Variants in SIAH3 observed in about 807,000 individuals in gnomAD.
The protein encoded by SIAH3 is seven in absentia homolog 3.
A neutral mutation model predicts 12.6 loss-of-function variants in SIAH3; 9 were observed. The observed-to-expected ratio is 0.72, with a 90% confidence interval of 0.43 to 1.25. SIAH3 has a LOEUF of 1.25. Ranked by LOEUF, SIAH3 falls within the 50% of genes most tolerant of loss-of-function variation. SIAH3 has a pLI of 0.00. For missense variants in SIAH3, 390 were observed against 365.4 expected, an observed-to-expected ratio of 1.07 and a Z score of -0.55; for synonymous variants, 154 against 151.1, an observed-to-expected ratio of 1.02 and a Z score of -0.14.
intron 1 of SIAH3, among the ~76,000 whole-genome samples, chr13:45,839,345 A>G (rs1950730950): frequency 6.6e-6 from 1 of 152,138 alleles, no homozygotes; most frequent in African/African-American, 2.4e-5. Context: ...TTAGATAATG[A>G]CAAGACAATC....
intron 1 of SIAH3, among the ~76,000 whole-genome samples, chr13:45,822,207 G>A (rs1025134076): frequency 6.6e-6 from 1 of 152,106 alleles, no homozygotes; most frequent in Non-Finnish European, 1.5e-5. Flanking sequence ...CCTATATGGT[G>A]TCCCACTGCC....
intron 1 of SIAH3, among the ~76,000 whole-genome samples, chr13:45,789,945 A>G (rs1950540766): frequency 6.6e-6 from 1 of 152,194 alleles, no homozygotes; most frequent in African/African-American, 2.4e-5. Flanking sequence ...AGATGCTAGA[A>G]ATGGGCTCTA....
At chr13:45,820,522 TAA>T (rs898098130) in intron 1 of SIAH3, among the ~76,000 whole-genome samples, 11 of 152,198 alleles carry the variant, frequency 7.2e-5, no homozygotes, top group African/African-American at 2.7e-4. Flanking sequence ...ATATTTTGTT[TAA>T]GAGTTTGTTC....
chr13:45,845,009 A>C (rs185166769), intron 1 of SIAH3, among the ~76,000 whole-genome samples: 2 of 152,322 alleles, frequency 1.3e-5, no homozygotes, highest in Admixed American at 1.3e-4. Context: ...GAAGAAGTGA[A>C]AATGCAGGTG....
At chr13:45,812,142 C>G (rs934526149) in intron 1 of SIAH3, among the ~76,000 whole-genome samples, 22 of 152,228 alleles carry the variant, frequency 1.4e-4, no homozygotes, top group Non-Finnish European at 3.2e-4. Context: ...AGAAGAACTT[C>G]CAGGTGATGC....
At position 45,783,930 on chromosome 13, in the gene SIAH3, T is replaced by G. The variant is rs1950515830; in HGVS notation, c.263A>C (p.His88Pro). The part of the protein sequence containing the change: ...HHHLRHHAHP[H>P]HLHHQEAGLH... ...CCCCGCCTCCTGGTGGTGAAGGTGG[T>G]GGGGGTGGGCGTGGTGGCGGAGGTG... Residue 88 changes from histidine (H) to proline (P), a missense_variant, in exon 2 of 2, where the codon CAC (histidine) becomes CCC (proline). Transcript: ENST00000400405. 1 of 1,608,006 alleles carries G rather than the reference T, an allele frequency of 6.2e-7. No individual in the cohort carries two copies. The highest frequency in any genetic ancestry group is 8.5e-7 in the Non-Finnish European group (1 of 1,177,530).
At chr13:45,784,805 A>T (rs1824810483) in intron 1 of SIAH3, among the ~76,000 whole-genome samples, 1 of 152,172 alleles carries the variant, frequency 6.6e-6, no homozygotes, top group African/African-American at 2.4e-5. Flanking sequence ...TGGCGTGCCC[A>T]CAAGTGCCCC....
rs1038348018 is a variant in SIAH3 at position 45,782,684 on chromosome 13, C to G, written c.*699G>C. The G allele has an allele frequency of 6.6e-6, 1 of 152,140 alleles. No homozygotes were observed. The highest frequency in any genetic ancestry group is 2.4e-5 in the African/African-American group (1 of 41,434). 9.4% of individuals were successfully genotyped at this position (152,140 alleles called of 1,614,324 possible). A position where few individuals can be genotyped will look rare whatever the true frequency, so the allele number is the denominator to read the frequency against. ...TCCAGAGCAGGAGAAGACGGCACAG[C>G]CTGGGAACAAGGTGACAAGAGCCCG... On this transcript the variant is annotated 3_prime_UTR_variant, in exon 2 of 2. Coordinates refer to ENST00000400405, the MANE Select transcript of SIAH3 (RefSeq NM_198849.3).
In SIAH3 at chr13:45,848,267, A is replaced by G. The variant is rs114705714; in HGVS notation, c.135+3228T>C. Among the ~76,000 whole-genome samples, 511 of 152,316 alleles carry G rather than the reference A, an allele frequency of 3.4e-3. 5 individuals carry two copies. Among genetic ancestry groups the G allele is most frequent in the African/African-American group, 0.012 (479 of 41,580 alleles). On this transcript the variant is annotated intron_variant, in intron 1 of 1. Transcript: ENST00000400405. The stretch of plus-strand genomic sequence containing the variant: ...AGTGGGGGCACCATTTGGAACCCTA[A>G]TCTGTGCAAGTGGTCCTCAGAGACA...
chr13:45,784,396 CTGT>C (rs1228852097), intron 1 of SIAH3, among the ~76,000 whole-genome samples: 6,173 of 101,040 alleles, frequency 0.061, 267 homozygotes, highest in East Asian at 0.12. Context: ...ACAAAGACAG[CTGT>C]TTTTTTTTTT....
Position 45,778,730 on chromosome 13 carries a change from A to G in SIAH3, c.*4653T>C, listed in dbSNP as rs1470595892. On this transcript the variant is annotated 3_prime_UTR_variant, in exon 2 of 2. Coordinates refer to ENST00000400405, the MANE Select transcript of SIAH3 (RefSeq NM_198849.3). ...TGTGGATTCCACCAACTGTGAATCA[A>G]GAATATTCAGGAAAAAAAAAAGAAA... 2.0e-5 allele frequency: 3 copies of G among 152,182 alleles called. No homozygotes were observed. The highest frequency in any genetic ancestry group is 6.5e-5 in the Admixed American group (1 of 15,272). The allele number at this position is 152,182 out of a possible 1,614,324, so 9.4% of individuals were successfully genotyped here.
chr13:45,796,873 T>G (rs1438860112), intron 1 of SIAH3, among the ~76,000 whole-genome samples: 5 of 152,138 alleles, frequency 3.3e-5, no homozygotes, highest in African/African-American at 9.7e-5. Context: ...TGGGGGCAGG[T>G]GTTTTATTGA....
At chr13:45,821,371 T>A (rs1225787609) in intron 1 of SIAH3, among the ~76,000 whole-genome samples, 1 of 152,258 alleles carries the variant, frequency 6.6e-6, no homozygotes, top group African/African-American at 2.4e-5. Context: ...TCAATTCCTG[T>A]TATTCAAGCC....
At chr13:45,793,628 G>C (rs550260467) in intron 1 of SIAH3, among the ~76,000 whole-genome samples, 1 of 152,126 alleles carries the variant, frequency 6.6e-6, no homozygotes, top group African/African-American at 2.4e-5. Context: ...TGTGGGGAGA[G>C]GATGAATAAA....
At chr13:45,784,346 G>C (rs564895992) in intron 1 of SIAH3, among the ~76,000 whole-genome samples, 1 of 145,612 alleles carries the variant, frequency 6.9e-6, no homozygotes, top group African/African-American at 2.5e-5. Context: ...CAATTTCCTC[G>C]TCAAGTAACA....
At chr13:45,826,369 A>ATGGTTGGGTGGG (rs369495671) in intron 1 of SIAH3, among the ~76,000 whole-genome samples, 15 of 80,862 alleles carry the variant, frequency 1.9e-4, no homozygotes, top group South Asian at 1.2e-3. Context: ...GGATGGATGG[A>ATGGTTGGGTGGG]TGGATGAATG....
chr13:45,831,510 T>C (rs1224666115), intron 1 of SIAH3, among the ~76,000 whole-genome samples: 5 of 152,200 alleles, frequency 3.3e-5, no homozygotes, highest in Admixed American at 6.5e-5. Flanking sequence ...TAGATATTTA[T>C]TGAGCCTCCA....
chr13:45,840,352 A>G (rs1566098048), intron 1 of SIAH3, among the ~76,000 whole-genome samples: 1 of 152,250 alleles, frequency 6.6e-6, no homozygotes, highest in Non-Finnish European at 1.5e-5. Flanking sequence ...CAGCTTCCTC[A>G]TGTGTAAACT....
intron 1 of SIAH3, among the ~76,000 whole-genome samples, chr13:45,790,461 A>C (rs944132336): frequency 6.6e-6 from 1 of 152,100 alleles, no homozygotes; most frequent in African/African-American, 2.4e-5. Context: ...GAATAAGTGG[A>C]TGACACTGAA....
Sources: allele counts gnomAD v4.1 joint callset (sites outside exome capture counted in the v4.1 genomes callset), GRCh38; gene constraint gnomAD v4.1.1; transcripts MANE v1.5; gene names NCBI Gene and HGNC (gene_info 2026-07-23, HGNC 2026-07-21).